ABRAXAS1: variants seen among roughly 807,000 people sequenced by gnomAD.
ABRAXAS1 encodes the protein abraxas 1, BRCA1 A complex subunit, also known as BRCA1-A complex subunit Abraxas 1.
ABRAXAS1 carries 26 observed loss-of-function variants against 38.4 expected under a neutral mutation model. That is an observed-to-expected ratio of 0.68 (90% CI 0.50 to 0.94). The LOEUF (loss-of-function observed/expected upper bound fraction) is 0.94, where lower values mean the gene tolerates loss of function less well. Among genes scored for constraint, ABRAXAS1 ranks in the 40% least tolerant of loss-of-function variants. ABRAXAS1 has a pLI of 0.00. For synonymous variants in ABRAXAS1, 144 were observed against 165.5 expected, an observed-to-expected ratio of 0.87 and a Z score of 1.00; for missense variants, 438 against 481.9, an observed-to-expected ratio of 0.91 and a Z score of 0.85.
chr4:83,470,444 A>G (rs745581822), intron 4 of ABRAXAS1, 48 bp from the exon 5 acceptor site: 3 of 1,262,104 alleles, frequency 2.4e-6, no homozygotes, highest in Admixed American at 2.4e-5. Flanking sequence ...TTACAATGAT[A>G]TGTCTTACTA....
intron 2 of ABRAXAS1, among the ~76,000 whole-genome samples, chr4:83,480,612 A>G (rs137855972): frequency 7.6e-4 from 115 of 152,302 alleles, no homozygotes; most frequent in African/African-American, 2.7e-3. Context: ...CCGGAAAGCA[A>G]TCTGCTAATG....
intron 2 of ABRAXAS1, chr4:83,477,618 T>C (rs998965596): frequency 2.6e-5 from 13 of 502,176 alleles, no homozygotes; most frequent in Middle Eastern, 3.3e-4. Flanking sequence ...AGTTTGGAAC[T>C]TTCCCCATGG....
intron 6 of ABRAXAS1, among the ~76,000 whole-genome samples, chr4:83,468,177 T>C (rs1421386109): frequency 6.6e-6 from 1 of 151,944 alleles, no homozygotes; most frequent in African/African-American, 2.4e-5. Flanking sequence ...TGGTGGTGCA[T>C]GCCTGTAATC....
intron 3 of ABRAXAS1, among the ~76,000 whole-genome samples, chr4:83,474,594 A>G (rs1722700745): frequency 6.6e-6 from 1 of 151,942 alleles, no homozygotes; most frequent in Admixed American, 6.6e-5. Context: ...ACCCATCTGG[A>G]GTCCCAGCTA....
At position 83,476,648 on chromosome 4, in the gene ABRAXAS1, A is replaced by G; in HGVS notation, c.210T>C (p.Leu70=). 1 of 1,565,322 alleles carries G rather than the reference A, an allele frequency of 6.4e-7. No individual in the cohort carries two copies. The highest frequency in any genetic ancestry group is 1.1e-5 in the South Asian group (1 of 89,762). The stretch of plus-strand genomic sequence containing the variant: ...TTACTAGCACTACTACTTACCTAAA[A>G]AGCTGATAGCATGGAATATATTTCT... The part of the protein sequence containing the change: ...DIQKYIPCYQ[L]FSFYNSSGEV... The change falls in exon 3 of 9, where the codon CTT becomes CTC. Residue 70 remains leucine (L), a synonymous_variant. Coordinates refer to ENST00000321945, the MANE Select transcript of ABRAXAS1 (RefSeq NM_139076.3).
In ABRAXAS1 at chr4:83,470,012, G is replaced by A. The variant is rs146189686; in HGVS notation, c.476+191C>T. 16 of 457,330 alleles carry A rather than the reference G, an allele frequency of 3.5e-5. No individual in the cohort carries two copies. The Middle Eastern group carries it at 1.7e-3, about 48-fold the overall frequency. 28.3% of individuals were successfully genotyped at this position (457,330 alleles called of 1,614,324 possible). A position where few individuals can be genotyped will look rare whatever the true frequency, so the allele number is the denominator to read the frequency against. ...AATACAAGTCATCATTCCACACTGGGCTTCTAATTTCCTTGTCTGACCATT... is the reference window on the plus strand; with the variant it reads ...AATACAAGTCATCATTCCACACTGGACTTCTAATTTCCTTGTCTGACCATT... On this transcript the variant is annotated intron_variant, in intron 5 of 8. Coordinates refer to ENST00000321945, the MANE Select transcript of ABRAXAS1 (RefSeq NM_139076.3).
chr4:83,482,005 A>C (rs1723014420), intron 2 of ABRAXAS1, 149 bp downstream of exon 2: 2 of 491,962 alleles, frequency 4.1e-6, no homozygotes, highest in African/African-American at 4.0e-5. Context: ...TCGGCCTCCC[A>C]AAGTGCTGGG....
rs79357787 is a variant in ABRAXAS1, at chr4:83,462,748, G to A, written c.951C>T (p.Leu317=). The change falls in exon 9 of 9, where the codon CTC becomes CTT. Residue 317 remains leucine (L), a synonymous_variant. Coordinates refer to ENST00000321945, the MANE Select transcript of ABRAXAS1 (RefSeq NM_139076.3). ...SKSSCNYNHH[L]DVVDNLTLMV... ...TTAAGGTCAGATTGTCTACTACATC[G>A]AGATGGTGGTTGTAGTTACAGCTAC... The A allele has an allele frequency of 1.4e-3, 2,223 of 1,613,910 alleles. 24 individuals are homozygous for A. In the African/African-American group the frequency reaches 0.026, roughly 19 times the overall value.
chr4:83,463,002 A>C, intron 8 of ABRAXAS1, 100 bp from the exon 9 acceptor site: 2 of 777,126 alleles, frequency 2.6e-6, no homozygotes, highest in Middle Eastern at 2.8e-4. Context: ...AGATTTTAAC[A>C]GTTGTATTAT....
intron 2 of ABRAXAS1, chr4:83,479,651 A>G (rs1334054987): frequency 6.6e-6 from 1 of 152,246 alleles, no homozygotes; most frequent in South Asian, 2.1e-4. Context: ...ACGTCTATAC[A>G]ACAGGATATA....
intron 2 of ABRAXAS1, chr4:83,477,883 G>T: frequency 1.3e-6 from 1 of 740,882 alleles, no homozygotes; most frequent in South Asian, 1.3e-5. Flanking sequence ...TAATCAACAT[G>T]ATCTGTGGGG....
intron 8 of ABRAXAS1, 67 bp downstream of exon 8, chr4:83,463,427 C>T (rs907339627): frequency 3.5e-5 from 40 of 1,159,392 alleles, no homozygotes; most frequent in East Asian, 5.1e-5. Context: ...AGCGAGACTC[C>T]GTCTCAAAAA....
intron 1 of ABRAXAS1, chr4:83,484,133 G>A: frequency 1.0e-6 from 1 of 961,742 alleles, no homozygotes; most frequent in Middle Eastern, 5.3e-4. Context: ...TTCCCAAAGG[G>A]CTGGAATTAC....
chr4:83,474,328 A>G (rs1455358150), intron 3 of ABRAXAS1, among the ~76,000 whole-genome samples: 2 of 152,132 alleles, frequency 1.3e-5, no homozygotes, highest in East Asian at 1.9e-4. Context: ...AACTTTCTGT[A>G]AAGGCTTGTA....
At chr4:83,481,394 A>G (rs970271081) in intron 2 of ABRAXAS1, among the ~76,000 whole-genome samples, 1 of 152,216 alleles carries the variant, frequency 6.6e-6, no homozygotes, top group Non-Finnish European at 1.5e-5. Context: ...GCCACCAGTT[A>G]TAACTGCTTT....
At chr4:83,471,189 A>ATTTTT (rs1560575138) in intron 4 of ABRAXAS1, among the ~76,000 whole-genome samples, 2 of 124,104 alleles carry the variant, frequency 1.6e-5, no homozygotes. Context: ...TGAAAGAAAC[A>ATTTTT]TCTTTTTTTT....
At chr4:83,484,773 G>A (rs931944680) in intron 1 of ABRAXAS1, 3 of 436,226 alleles carry the variant, frequency 6.9e-6, no homozygotes, top group Non-Finnish European at 1.2e-5. Context: ...AATAACGGAG[G>A]ATAGCAGAGG....
chr4:83,471,367 CT>C (rs949758597), intron 4 of ABRAXAS1, among the ~76,000 whole-genome samples: 52 of 146,018 alleles, frequency 3.6e-4, no homozygotes, highest in Admixed American at 4.8e-4. Context: ...CTACGCCCGG[CT>C]TTTTTTTTTT....
chr4:83,476,207 GA>G (rs1722763285), intron 3 of ABRAXAS1, among the ~76,000 whole-genome samples: 1 of 151,984 alleles, frequency 6.6e-6, no homozygotes, highest in Non-Finnish European at 1.5e-5. Flanking sequence ...GTCTCAAAAA[GA>G]AAAAGAACAT....
Sources: gnomAD v4.1 joint callset for allele counts (sites outside exome capture counted in the v4.1 genomes callset) on GRCh38, gnomAD v4.1.1 for gene constraint, MANE v1.5 for transcripts, NCBI Gene and HGNC (gene_info 2026-07-23, HGNC 2026-07-21) for gene names.